Variants in NFS1 observed in about 807,000 individuals in gnomAD.
The protein encoded by NFS1 is NFS1 cysteine desulfurase.
A neutral mutation model predicts 57.3 loss-of-function variants in NFS1; 26 were observed. The observed-to-expected ratio is 0.45, with a 90% CI of 0.33 to 0.63. The LOEUF (loss-of-function observed/expected upper bound fraction) is 0.63, where lower values mean the gene tolerates loss of function less well. Ranked by LOEUF, NFS1 falls within the 20% of genes least tolerant of loss-of-function variation. The probability of loss-of-function intolerance (pLI) is 0.02; values close to 1 mark genes in which losing one functional copy is unlikely to be tolerated. For missense variants in NFS1, 505 were observed against 605.8 expected (o/e 0.83, Z 1.75); for synonymous variants, 209 against 216.3 (o/e 0.97, Z 0.30).
In NFS1 at chr20:35,668,552, T is replaced by C. The variant is rs565530060; in HGVS notation, c.*1070A>G. Reference sequence around the variant, plus strand: ...GGCCCTTAGCTCTTGCCATTCCTTCTCACCTCTCATTTCTAGATTAGCGAG... The same window carrying C: ...GGCCCTTAGCTCTTGCCATTCCTTCCCACCTCTCATTTCTAGATTAGCGAG... On this transcript the variant is annotated 3_prime_UTR_variant, in exon 13 of 13. Coordinates refer to ENST00000374092, the MANE Select transcript of NFS1 (RefSeq NM_021100.5). 1 of 152,306 alleles carries C rather than the reference T, an allele frequency of 6.6e-6. No homozygotes were observed. Among genetic ancestry groups the C allele is most frequent in the East Asian group, 1.9e-4 (1 of 5,190 alleles). 9.4% of individuals were successfully genotyped at this position (152,306 alleles called of 1,614,324 possible).
chr20:35,682,973 G>A (rs559917732), intron 5 of NFS1, among the ~76,000 whole-genome samples: 118 of 152,112 alleles, frequency 7.8e-4, no homozygotes, highest in African/African-American at 2.6e-3. Context: ...AGCTACTTGG[G>A]AGACTGAGGC....
At chr20:35,693,850 T>C (rs1052032519) in intron 4 of NFS1, among the ~76,000 whole-genome samples, 7 of 151,834 alleles carry the variant, frequency 4.6e-5, no homozygotes, top group Non-Finnish European at 7.4e-5. Context: ...TAGTCCTACC[T>C]ACTCAGGAGG....
intron 7 of NFS1, among the ~76,000 whole-genome samples, chr20:35,676,842 G>C (rs936024825): frequency 8.7e-5 from 13 of 149,232 alleles, no homozygotes; most frequent in Non-Finnish European, 1.2e-4. Context: ...TCAGAGGTGA[G>C]AGGCAGACTT....
intron 11 of NFS1, among the ~76,000 whole-genome samples, chr20:35,673,349 C>G (rs1014666543): frequency 6.6e-6 from 1 of 151,812 alleles, no homozygotes; most frequent in African/African-American, 2.4e-5. Context: ...GAGATGTTTT[C>G]TACTCCTCCT....
chr20:35,674,883 A>T, intron 8 of NFS1, 162 bp downstream of exon 8: 1 of 930,106 alleles, frequency 1.1e-6, no homozygotes, highest in Non-Finnish European at 1.7e-6. Context: ...TGAAGCCCAT[A>T]ATGTCTCCCT....
rs370052667 is a variant in NFS1 at position 35,668,465 on chromosome 20, C to G, written c.*1157G>C. ...GGTTCAGACCCACAAATGAAAAGCT[C>G]TAGTTACAATGGCCTTCTCTTGGTT... On this transcript the variant is annotated 3_prime_UTR_variant, in exon 13 of 13. Coordinates refer to ENST00000374092, the MANE Select transcript of NFS1 (RefSeq NM_021100.5). 7.9e-5 allele frequency: 12 copies of G among 152,204 alleles called. No homozygotes were observed. The highest frequency in any genetic ancestry group is 2.2e-4 in the African/African-American group (9 of 41,444). The allele number at this position is 152,204 out of a possible 1,614,324, so 9.4% of individuals were successfully genotyped here. A position where few individuals can be genotyped will look rare whatever the true frequency, so the allele number is the denominator to read the frequency against.
intron 4 of NFS1, among the ~76,000 whole-genome samples, chr20:35,691,985 C>A (rs2035049118): frequency 6.6e-6 from 1 of 151,832 alleles, no homozygotes; most frequent in Non-Finnish European, 1.5e-5. Flanking sequence ...GAGTTCAAGA[C>A]CAGCCTGACC....
chr20:35,681,338 G>C (rs1333374120), intron 6 of NFS1, among the ~76,000 whole-genome samples: 1 of 152,186 alleles, frequency 6.6e-6, no homozygotes, highest in Non-Finnish European at 1.5e-5. Context: ...AGGAAAAAGA[G>C]TAGCAGGCTT....
intron 10 of NFS1, chr20:35,674,113 C>T (rs1009852655): frequency 5.6e-6 from 3 of 533,110 alleles, no homozygotes; most frequent in Non-Finnish European, 1.0e-5. Flanking sequence ...CAGACACATA[C>T]ATCCCCTGGG....
In NFS1 at chr20:35,672,831, G is replaced by A; in HGVS notation, c.1234C>T (p.Arg412Cys). The A allele has an allele frequency of 1.9e-6, 3 of 1,603,266 alleles. No individual in the cohort carries two copies. Among genetic ancestry groups the A allele is most frequent in the African/African-American group, 1.3e-5 (1 of 74,550 alleles). The change falls in exon 12 of 13, where the codon CGC becomes TGC. Residue 412 changes from arginine (R) to cysteine (C), a missense_variant. Coordinates refer to ENST00000374092, the MANE Select transcript of NFS1 (RefSeq NM_021100.5). ...AHSSIRFGIGRFTTEEEVDYT... is the reference protein window; with the variant it reads ...AHSSIRFGIGCFTTEEEVDYT... ...TCCACTTCCTCCTCTGTAGTGAAGC[G>A]GCCAATTCCAAACCTGAAAAAAGGC...
intron 4 of NFS1, 80 bp downstream of exon 4, chr20:35,696,297 T>C: frequency 2.1e-6 from 2 of 937,566 alleles, no homozygotes; most frequent in Middle Eastern, 2.1e-4. Context: ...GCGAAATACA[T>C]ATACGAGTCC....
Position 35,696,384 on chromosome 20 carries a change from G to A in NFS1, c.401C>T (p.Ala134Val). 1 of 1,611,058 alleles carries A rather than the reference G, an allele frequency of 6.2e-7. No individual in the cohort carries two copies. The highest frequency in any genetic ancestry group is 8.5e-7 in the Non-Finnish European group (1 of 1,177,210). ...CTGGTTCCCTTCTCTTACCTTAATT[G>A]CTATGTTGTTGGATTCAGTAGCACC... ...TSGATESNNI[A>V]IKGVARFYRS... Residue 134 changes from alanine (A) to valine (V), a missense_variant, in exon 4 of 13, where the codon GCA becomes GTA. Physicochemically the swap from Ala to Val is moderately conservative, Grantham distance 64. Transcript: ENST00000374092.
At chr20:35,697,858 C>A in intron 2 of NFS1, 58 bp from the exon 3 acceptor site, 1 of 1,224,008 alleles carries the variant, frequency 8.2e-7, no homozygotes, top group South Asian at 1.3e-5. Context: ...AGGTCCCACT[C>A]CACCCCTCAG....
At chr20:35,684,378 A>G (rs960420829) in intron 5 of NFS1, among the ~76,000 whole-genome samples, 1 of 150,690 alleles carries the variant, frequency 6.6e-6, no homozygotes, top group Admixed American at 6.6e-5. Context: ...ACTGCACTCC[A>G]GCCTGGGAGA....
intron 5 of NFS1, among the ~76,000 whole-genome samples, chr20:35,687,633 C>A (rs1229764578): frequency 6.6e-6 from 1 of 152,164 alleles, no homozygotes; most frequent in African/African-American, 2.4e-5. Context: ...CTGGGCCCAG[C>A]TGTCTTTTCT....
chr20:35,695,249 T>C (rs1008630862), intron 4 of NFS1, among the ~76,000 whole-genome samples: 1 of 152,210 alleles, frequency 6.6e-6, no homozygotes, highest in East Asian at 1.9e-4. Context: ...CAAGGAAGGA[T>C]GCCTTCCTGT....
intron 4 of NFS1, among the ~76,000 whole-genome samples, chr20:35,694,301 C>T (rs1257868914): frequency 6.6e-6 from 1 of 152,090 alleles, no homozygotes; most frequent in African/African-American, 2.4e-5. Flanking sequence ...TGTGCCACCA[C>T]ACCCAGGTAG....
chr20:35,680,771 C>T lies in NFS1; in HGVS notation c.756G>A (p.Met252Ile). ...CGTAGATTTTGTGACCACTAATGCTCATGAGATCAATTTTCATGTCATTGA... is the reference window on the plus strand; with the variant it reads ...CGTAGATTTTGTGACCACTAATGCTTATGAGATCAATTTTCATGTCATTGA... ...LDVNDMKIDLMSISGHKIYGP... is the reference protein window; with the variant it reads ...LDVNDMKIDLISISGHKIYGP... Residue 252 changes from methionine to isoleucine, a missense_variant, in exon 7 of 13, where the codon ATG becomes ATA. Transcript: ENST00000374092. 1.3e-6 allele frequency: 2 copies of T among 1,570,834 alleles called. No individual in the cohort carries two copies. The highest frequency in any genetic ancestry group is 1.7e-6 in the Non-Finnish European group (2 of 1,159,844).
chr20:35,690,497 G>C lies in NFS1; in HGVS notation c.477C>G (p.Val159=), dbSNP rs753730987. ...CTTCCAGTGAACGGCAGGAGTCCAAGACACATTTGTGTTCTGTCTGGGTGG... is the reference window on the plus strand; with the variant it reads ...CTTCCAGTGAACGGCAGGAGTCCAACACACATTTGTGTTCTGTCTGGGTGG... ...LITTQTEHKC[V]LDSCRSLEAE... is the part of the protein sequence containing the mutation. Residue 159 remains valine (V), a synonymous_variant, in exon 5 of 13, where the codon GTC becomes GTG. Coordinates refer to ENST00000374092, the MANE Select transcript of NFS1 (RefSeq NM_021100.5). 1.2e-6 allele frequency: 2 copies of C among 1,614,070 alleles called. No individual in the cohort carries two copies. Among genetic ancestry groups the C allele is most frequent in the South Asian group, 1.1e-5 (1 of 91,076 alleles).
Sources: gnomAD v4.1 joint callset for allele counts (sites outside exome capture counted in the v4.1 genomes callset) on GRCh38, gnomAD v4.1.1 for gene constraint, MANE v1.5 for transcripts, NCBI Gene and HGNC (gene_info 2026-07-23, HGNC 2026-07-21) for gene names.